The following SLC25A24 variants were observed in gnomAD, a reference collection of about 807,000 sequenced individuals.
The protein encoded by SLC25A24 is mitochondrial adenyl nucleotide antiporter SLC25A24.
SLC25A24 carries 49 observed loss-of-function variants against 60.7 expected under a neutral mutation model. That is an observed-to-expected ratio of 0.81 (90% CI 0.64 to 1.02). The LOEUF (loss-of-function observed/expected upper bound fraction) is 1.02. Among genes scored for constraint, SLC25A24 ranks in the 50% least tolerant of loss-of-function variants. SLC25A24 has a pLI of 0.00. For synonymous variants in SLC25A24, 202 were observed against 200.6 expected (o/e 1.01, Z -0.06); for missense variants, 564 against 586.3 (o/e 0.96, Z 0.39).
intron 6 of SLC25A24, among the ~76,000 whole-genome samples, chr1:108,149,462 T>G (rs2101605806): frequency 6.6e-6 from 1 of 152,298 alleles, no homozygotes; most frequent in African/African-American, 2.4e-5. Flanking sequence ...CCTCACAGGG[T>G]TATGGAAAGG....
chr1:108,165,062 T>C (rs550259786), intron 3 of SLC25A24, among the ~76,000 whole-genome samples: 3 of 146,382 alleles, frequency 2.0e-5, no homozygotes, highest in Non-Finnish European at 4.5e-5. Flanking sequence ...CCAGTAGTCA[T>C]TCAGGAGCAG....
intron 1 of SLC25A24, among the ~76,000 whole-genome samples, chr1:108,196,350 G>A (rs1384810132): frequency 6.6e-6 from 1 of 152,154 alleles, no homozygotes; most frequent in Non-Finnish European, 1.5e-5. Flanking sequence ...ACATTTTAAA[G>A]GGTTTTTTAA....
intron 8 of SLC25A24, 103 bp downstream of exon 8, chr1:108,143,440 G>T (rs1307045134): frequency 1.7e-5 from 16 of 952,502 alleles, no homozygotes; most frequent in Non-Finnish European, 2.5e-5. Flanking sequence ...ATTTACTTCT[G>T]GTCACACACT....
intron 7 of SLC25A24, among the ~76,000 whole-genome samples, chr1:108,145,261 GT>G (rs958752765): frequency 7.3e-5 from 11 of 150,984 alleles, no homozygotes; most frequent in Non-Finnish European, 1.3e-4. Context: ...TTTTTGGTGG[GT>G]TTTTTTTTCT....
chr1:108,156,029 T>G (rs1054529970), intron 5 of SLC25A24, among the ~76,000 whole-genome samples: 1 of 151,990 alleles, frequency 6.6e-6, no homozygotes, highest in South Asian at 2.1e-4. Flanking sequence ...GTGGCCAGTA[T>G]GAAAACGGGC....
chr1:108,189,880 T>C (rs912353470), intron 1 of SLC25A24, among the ~76,000 whole-genome samples: 1 of 148,898 alleles, frequency 6.7e-6, no homozygotes, highest in Non-Finnish European at 1.5e-5. Flanking sequence ...AATATATATA[T>C]ATATGTATAT....
At chr1:108,190,373 T>C (rs1483576383) in intron 1 of SLC25A24, among the ~76,000 whole-genome samples, 5 of 152,114 alleles carry the variant, frequency 3.3e-5, no homozygotes, top group Admixed American at 6.5e-5. Context: ...ATTCTGACCA[T>C]TTGGGGCTGT....
intron 3 of SLC25A24, among the ~76,000 whole-genome samples, chr1:108,177,770 T>C (rs1398758042): frequency 6.6e-6 from 1 of 152,234 alleles, no homozygotes; most frequent in Non-Finnish European, 1.5e-5. Context: ...ATTTTCAGTG[T>C]CACAATTTAT....
chr1:108,169,499 G>A (rs1647367491), intron 3 of SLC25A24, among the ~76,000 whole-genome samples: 1 of 152,108 alleles, frequency 6.6e-6, no homozygotes, highest in African/African-American at 2.4e-5. Flanking sequence ...TAAAATGGCT[G>A]ATTCAGTTTG....
intron 3 of SLC25A24, among the ~76,000 whole-genome samples, chr1:108,167,618 C>T (rs1647245618): frequency 6.6e-6 from 1 of 152,234 alleles, no homozygotes; most frequent in Non-Finnish European, 1.5e-5. Flanking sequence ...CTTGCACTTC[C>T]CGAGTGAGGC....
intron 6 of SLC25A24, among the ~76,000 whole-genome samples, chr1:108,152,378 T>A (rs11185284): frequency 0.5 from 75,860 of 151,488 alleles, 19,461 homozygotes; most frequent in African/African-American, 0.61. Flanking sequence ...TTATTTATTT[T>A]TTTTTTGAGA....
At chr1:108,178,471 T>C (rs1399300928) in intron 3 of SLC25A24, among the ~76,000 whole-genome samples, 1 of 152,168 alleles carries the variant, frequency 6.6e-6, no homozygotes, top group Non-Finnish European at 1.5e-5. Context: ...TTAACAAATT[T>C]AAGCAGAATG....
intron 3 of SLC25A24, 59 bp downstream of exon 3, chr1:108,181,882 G>C (rs754253150): frequency 1.5e-5 from 18 of 1,209,638 alleles, no homozygotes; most frequent in Non-Finnish European, 2.1e-5. Flanking sequence ...TACAAACACA[G>C]AGTTCTAATG....
chr1:108,154,024 T>C (rs1679820239), intron 6 of SLC25A24, among the ~76,000 whole-genome samples: 1 of 151,564 alleles, frequency 6.6e-6, no homozygotes, highest in African/African-American at 2.4e-5. Flanking sequence ...GAAAATAGCC[T>C]TCCCAAGGAT....
At position 108,173,229 on chromosome 1, in the gene SLC25A24, C is replaced by T. The variant is rs532479292; in HGVS notation, c.398+8712G>A. Among the ~76,000 whole-genome samples, 379 of 152,170 alleles carry T rather than the reference C, an allele frequency of 2.5e-3. 1 individual carries two copies. Among genetic ancestry groups the T allele is most frequent in the African/African-American group, 8.7e-3 (360 of 41,526 alleles). Reference sequence around the variant, plus strand: ...CCAAATCTCATCTTGAGTTGTAGTTCCCATAATTTCCATGTGTCACGGGAG... The same window carrying T: ...CCAAATCTCATCTTGAGTTGTAGTTTCCATAATTTCCATGTGTCACGGGAG... On this transcript the variant is annotated intron_variant, in intron 3 of 9. Coordinates refer to ENST00000565488, the MANE Select transcript of SLC25A24 (RefSeq NM_013386.5).
chr1:108,165,890 G>A lies in SLC25A24; in HGVS notation c.399-4597C>T, dbSNP rs868602246. 1.2e-4 allele frequency among the ~76,000 whole-genome samples: 19 copies of A among 152,200 alleles called. No individual in the cohort carries two copies. The Middle Eastern group carries it at 0.01, about 82-fold the overall frequency. ...GTTAATGCAGTTTCTTCCTAGTCTC[G>A]ACGGTCTTTACATTTTGGCATGATT... On this transcript the variant is annotated intron_variant, in intron 3 of 9. Coordinates refer to ENST00000565488, the MANE Select transcript of SLC25A24 (RefSeq NM_013386.5).
In SLC25A24 at chr1:108,136,371, C is replaced by T. The variant is rs539143583; in HGVS notation, c.*282G>A. On this transcript the variant is annotated 3_prime_UTR_variant, in exon 10 of 10. Coordinates refer to ENST00000565488, the MANE Select transcript of SLC25A24 (RefSeq NM_013386.5). ...AAAACAAATTTTGTTCAAGCCAGTA[C>T]ATTTTCAGATTTCGGATTCAGGGCA... The T allele has an allele frequency of 9.2e-5, 24 of 261,632 alleles. No homozygotes were observed. The South Asian group carries it at 1.7e-3, about 18-fold the overall frequency. The allele number at this position is 261,632 out of a possible 1,614,324, so 16.2% of individuals were successfully genotyped here.
chr1:108,173,885 G>A (rs545951332), intron 3 of SLC25A24, among the ~76,000 whole-genome samples: 1 of 152,274 alleles, frequency 6.6e-6, no homozygotes, highest in South Asian at 2.1e-4. Flanking sequence ...CAAAGAGACT[G>A]GTGGCTTTTT....
rs566125651 is a variant in SLC25A24, at chr1:108,160,706, G to A, written c.510+476C>T. 5.5e-3 allele frequency among the ~76,000 whole-genome samples: 844 copies of A among 152,352 alleles called. 6 individuals carry two copies. Among genetic ancestry groups the A allele is most frequent in the African/African-American group, 0.02 (817 of 41,582 alleles). ...ACTCCGTCTGCAATCCCAGCACCTC[G>A]GGAGGCCGAGGCTGGTGGATCACTC... On this transcript the variant is annotated intron_variant, in intron 4 of 9. Coordinates refer to ENST00000565488, the MANE Select transcript of SLC25A24 (RefSeq NM_013386.5).
Sources: allele counts gnomAD v4.1 joint callset (sites outside exome capture counted in the v4.1 genomes callset), GRCh38; gene constraint gnomAD v4.1.1; transcripts MANE v1.5; gene names NCBI Gene and HGNC (gene_info 2026-07-23, HGNC 2026-07-21).